DPF3: variants seen among roughly 807,000 people sequenced by gnomAD.
The protein encoded by DPF3 is zinc finger protein DPF3.
DPF3 carries 18 observed loss-of-function variants against 56.8 expected under a neutral mutation model. The observed-to-expected ratio is 0.32, with a 90% confidence interval of 0.22 to 0.47. DPF3 has a LOEUF of 0.47. Among genes scored for constraint, DPF3 ranks in the 20% least tolerant of loss-of-function variants. The pLI is 1.00. For missense variants in DPF3, 403 were observed against 488.8 expected (o/e 0.82, Z 1.65); for synonymous variants, 188 against 180.2 (o/e 1.04, Z -0.35).
In DPF3 at chr14:72,860,933, T is replaced by C. The variant is rs146609449; in HGVS notation, c.32+33124A>G. On this transcript the variant is annotated intron_variant, in intron 1 of 10. Coordinates refer to ENST00000556509, the MANE Select transcript of DPF3 (RefSeq NM_001280542.3). ...TCTCTAAATAACATGTTTTTAACTG[T>C]TGTTTCTTGATTTTTCAGTTTTAGG... is the stretch of plus-strand genomic sequence containing the variant. Among the ~76,000 whole-genome samples the C allele has an allele frequency of 1.1e-3, 162 of 152,232 alleles. 1 individual carries two copies. Among genetic ancestry groups the C allele is most frequent in the Middle Eastern group, 3.4e-3 (1 of 294 alleles).
chr14:72,824,559 T>TC (rs1883702809), intron 1 of DPF3, among the ~76,000 whole-genome samples: 1 of 151,692 alleles, frequency 6.6e-6, no homozygotes, highest in Non-Finnish European at 1.5e-5. Flanking sequence ...TTCTTTTTTT[T>TC]TTTTTGTTTG....
intron 6 of DPF3, among the ~76,000 whole-genome samples, chr14:72,709,168 G>C (rs1888546910): frequency 6.6e-6 from 1 of 152,236 alleles, no homozygotes; most frequent in Non-Finnish European, 1.5e-5. Context: ...TTCTAGAAGG[G>C]AGGCAACAGG....
chr14:72,629,599 C>G, intron 9 of DPF3, 25 bp downstream of exon 9: 2 of 1,524,490 alleles, frequency 1.3e-6, no homozygotes, highest in Non-Finnish European at 1.8e-6. Flanking sequence ...ATTTCTCCCT[C>G]CCACAGGGAA....
At chr14:72,627,108 CA>C (rs1884881268) in intron 9 of DPF3, among the ~76,000 whole-genome samples, 1 of 151,970 alleles carries the variant, frequency 6.6e-6, no homozygotes, top group African/African-American at 2.4e-5. Flanking sequence ...CCCAGTTTGT[CA>C]GTTGTCTTTT....
chr14:72,722,919 C>A (rs1199474518), intron 5 of DPF3, among the ~76,000 whole-genome samples: 1 of 152,082 alleles, frequency 6.6e-6, no homozygotes, highest in African/African-American at 2.4e-5. Context: ...CATCCGAGGA[C>A]CCCTGGGATG....
intron 6 of DPF3, among the ~76,000 whole-genome samples, chr14:72,695,046 G>A (rs1476073982): frequency 6.6e-6 from 1 of 152,118 alleles, no homozygotes; most frequent in Non-Finnish European, 1.5e-5. Flanking sequence ...TCTTGAATCT[G>A]TACTAAGACT....
At chr14:72,779,198 G>C (rs1023248142) in intron 1 of DPF3, among the ~76,000 whole-genome samples, 1 of 152,180 alleles carries the variant, frequency 6.6e-6, no homozygotes, top group African/African-American at 2.4e-5. Flanking sequence ...AATGTGGCAT[G>C]CTTGTGCACA....
intron 4 of DPF3, among the ~76,000 whole-genome samples, chr14:72,729,401 C>T (rs1049820537): frequency 6.6e-6 from 1 of 152,092 alleles, no homozygotes; most frequent in Non-Finnish European, 1.5e-5. Flanking sequence ...GAAGGAGATT[C>T]TTGTGCCTGG....
intron 8 of DPF3, among the ~76,000 whole-genome samples, chr14:72,673,351 CA>C (rs1886773174): frequency 6.6e-6 from 1 of 152,168 alleles, no homozygotes; most frequent in South Asian, 2.1e-4. Flanking sequence ...CAAACTGTTT[CA>C]CCTACTCATA....
chr14:72,894,075 A>G lies in DPF3; in HGVS notation c.14T>C (p.Ile5Thr). Residue 5 changes from isoleucine to threonine, a missense_variant, in exon 1 of 11, where the codon ATT becomes ACT. By Grantham distance (89) the Ile-to-Thr change is moderately conservative. Transcript: ENST00000556509. The part of the protein sequence containing the change: MATV[I>T]HNPLKALGDQ... ...TACTTACGCTTTCAGGGGGTTGTGA[A>G]TGACAGTCGCCATTTTGCTACAATG... The G allele has an allele frequency of 1.2e-6, 2 of 1,608,622 alleles. No individual in the cohort carries two copies. The highest frequency in any genetic ancestry group is 2.2e-5 in the East Asian group (1 of 44,494).
chr14:72,801,072 G>T (rs1892873061), intron 1 of DPF3, among the ~76,000 whole-genome samples: 1 of 152,208 alleles, frequency 6.6e-6, no homozygotes, highest in Non-Finnish European at 1.5e-5. Flanking sequence ...CTTACCAATA[G>T]TGCAGTACAA....
intron 1 of DPF3, among the ~76,000 whole-genome samples, chr14:72,815,822 T>G (rs1883259391): frequency 6.6e-6 from 1 of 152,240 alleles, no homozygotes; most frequent in Non-Finnish European, 1.5e-5. Context: ...CTTATCTTTT[T>G]CAGCTCCTAG....
chr14:72,752,799 A>C (rs977593328), intron 3 of DPF3, among the ~76,000 whole-genome samples: 1 of 152,226 alleles, frequency 6.6e-6, no homozygotes, highest in Non-Finnish European at 1.5e-5. Flanking sequence ...TGCAATTTTT[A>C]GTGAATTGGC....
intron 8 of DPF3, among the ~76,000 whole-genome samples, chr14:72,637,343 C>T (rs1456573008): frequency 6.6e-6 from 1 of 152,186 alleles, no homozygotes; most frequent in Non-Finnish European, 1.5e-5. Context: ...ACAATTTACT[C>T]GACTCAACTT....
At chr14:72,744,969 C>T (rs1890266849) in intron 3 of DPF3, among the ~76,000 whole-genome samples, 1 of 152,110 alleles carries the variant, frequency 6.6e-6, no homozygotes, top group Admixed American at 6.5e-5. Context: ...GTGCTGACGG[C>T]AGAACCCAGG....
intron 1 of DPF3, among the ~76,000 whole-genome samples, chr14:72,809,586 C>T (rs796622320): frequency 4.6e-5 from 7 of 152,226 alleles, no homozygotes; most frequent in Non-Finnish European, 8.8e-5. Flanking sequence ...CCTTTCAGAA[C>T]CCTGCATGTG....
chr14:72,748,221 T>C (rs1341943222), intron 3 of DPF3, among the ~76,000 whole-genome samples: 1 of 152,196 alleles, frequency 6.6e-6, no homozygotes. Flanking sequence ...CAGATGGAGA[T>C]GAAAAATTTG....
chr14:72,785,475 C>T (rs76088612), intron 1 of DPF3, among the ~76,000 whole-genome samples: 21 of 152,268 alleles, frequency 1.4e-4, no homozygotes, highest in African/African-American at 4.8e-4. Flanking sequence ...GGCCACTGCA[C>T]TGTCAGCCTC....
At chr14:72,794,826 G>T (rs530766501) in intron 1 of DPF3, among the ~76,000 whole-genome samples, 5 of 152,318 alleles carry the variant, frequency 3.3e-5, no homozygotes, top group Admixed American at 6.5e-5. Context: ...CAGCAGGGCT[G>T]TATTCCTTTT....
Sources: allele counts gnomAD v4.1 joint callset (sites outside exome capture counted in the v4.1 genomes callset), GRCh38; gene constraint gnomAD v4.1.1; transcripts MANE v1.5; gene names NCBI Gene and HGNC (gene_info 2026-07-23, HGNC 2026-07-21).